Variants in FAM227B observed in about 807,000 individuals in gnomAD.
FAM227B encodes the protein family with sequence similarity 227 member B, also known as protein FAM227B.
A neutral mutation model predicts 73.8 loss-of-function variants in FAM227B; 88 were observed. That is an observed-to-expected ratio of 1.19 (90% CI 1.00 to 1.42). The LOEUF (loss-of-function observed/expected upper bound fraction) is 1.42. Ranked by LOEUF, FAM227B falls within the 40% of genes most tolerant of loss-of-function variation. The pLI is 0.00. For synonymous variants in FAM227B, 210 were observed against 190.5 expected, an observed-to-expected ratio of 1.10 and a Z score of -0.84; for missense variants, 632 against 590.9, an observed-to-expected ratio of 1.07 and a Z score of -0.72.
rs75394815 is a variant in FAM227B at position 49,587,709 on chromosome 15, A to G, written c.405+307T>C. Among the ~76,000 whole-genome samples the G allele has an allele frequency of 4.7e-3, 710 of 152,266 alleles. 8 individuals carry two copies. The highest frequency in any genetic ancestry group is 0.016 in the African/African-American group (672 of 41,566). ...AAAGAATTATTAATTTTCTAAAATA[A>G]GAGGGCTGATATAGGACCTGCACTA... is the stretch of plus-strand genomic sequence containing the variant. On this transcript the variant is annotated intron_variant, in intron 5 of 15. Coordinates refer to ENST00000299338, the MANE Select transcript of FAM227B (RefSeq NM_152647.3).
At chr15:49,590,079 CA>C in intron 3 of FAM227B, 72 bp from the exon 4 acceptor site, 1 of 800,226 alleles carries the variant, frequency 1.2e-6, no homozygotes, top group Non-Finnish European at 2.1e-6. Context: ...AGTTCAAAAC[CA>C]ATGAGCTATA....
chr15:49,527,542 C>T (rs566030803), intron 10 of FAM227B, among the ~76,000 whole-genome samples: 1 of 151,782 alleles, frequency 6.6e-6, no homozygotes, highest in East Asian at 1.9e-4. Context: ...ATAGAAGACA[C>T]CCAAATTGGA....
rs187505664 is a variant in FAM227B, at chr15:49,361,596, C to T, written c.1271+5852G>A. Among the ~76,000 whole-genome samples, 703 of 152,266 alleles carry T rather than the reference C, an allele frequency of 4.6e-3. 7 individuals are homozygous for T. Among genetic ancestry groups the T allele is most frequent in the Non-Finnish European group, 4.9e-3 (336 of 68,022 alleles). On this transcript the variant is annotated intron_variant, in intron 13 of 15. Coordinates refer to ENST00000299338, the MANE Select transcript of FAM227B (RefSeq NM_152647.3). Reference sequence around the variant, plus strand: ...ATGATCTTGTTAGTTTTTATGGCTGCACAGTATTCCCTGGTGTATATGTAC... The same window carrying T: ...ATGATCTTGTTAGTTTTTATGGCTGTACAGTATTCCCTGGTGTATATGTAC...
chr15:49,374,447 G>A (rs1161071340), intron 11 of FAM227B, among the ~76,000 whole-genome samples: 1 of 152,044 alleles, frequency 6.6e-6, no homozygotes, highest in Non-Finnish European at 1.5e-5. Flanking sequence ...AGAAAATATA[G>A]GTATCCATTA....
At chr15:49,588,143 A>T in intron 4 of FAM227B, 60 bp from the exon 5 acceptor site, 1 of 1,039,786 alleles carries the variant, frequency 9.6e-7, no homozygotes. Context: ...CTCTAAAAAT[A>T]AACAAAATTT....
rs201076822 is a variant in FAM227B at position 49,588,058 on chromosome 15, A to C, written c.363T>G (p.Tyr121Ter). The C allele has an allele frequency of 1.4e-6, 2 of 1,427,680 alleles. No homozygotes were observed. The highest frequency in any genetic ancestry group is 2.6e-5 in the East Asian group (1 of 38,642). The allele number at this position is 1,427,680 out of a possible 1,614,324, so 88.4% of individuals were successfully genotyped here. The change falls in exon 5 of 16, where the codon TAT (tyrosine) becomes TAG (stop). Residue 121 changes from tyrosine (Y) to a stop codon, truncating the protein, a stop_gained. Coordinates refer to ENST00000299338, the MANE Select transcript of FAM227B (RefSeq NM_152647.3). LOFTEE classifies it high-confidence loss of function. ...ETSSYRKLER[Y>*]GEFLKKYHKK... ...TATGGTACTTCTTTAGAAATTCCCCATATCGTTCCAATTTTCTATAAGAAC... is the reference window on the plus strand; with the variant it reads ...TATGGTACTTCTTTAGAAATTCCCCCTATCGTTCCAATTTTCTATAAGAAC...
chr15:49,437,101 CTTCTG>C (rs1463827120), intron 11 of FAM227B, among the ~76,000 whole-genome samples: 2 of 151,506 alleles, frequency 1.3e-5, no homozygotes, highest in Admixed American at 6.6e-5. Flanking sequence ...ACTATTTATA[CTTCTG>C]TTCTTTAGGG....
At chr15:49,566,912 G>A (rs2074702196) in intron 9 of FAM227B, among the ~76,000 whole-genome samples, 1 of 152,122 alleles carries the variant, frequency 6.6e-6, no homozygotes, top group Non-Finnish European at 1.5e-5. Flanking sequence ...TTTATCAAAA[G>A]ACACATCCAC....
chr15:49,371,338 G>A lies in FAM227B; in HGVS notation c.1074C>T (p.Ser358=). 6.2e-7 allele frequency: 1 copy of A among 1,601,224 alleles called. No individual in the cohort carries two copies. The highest frequency in any genetic ancestry group is 1.1e-5 in the South Asian group (1 of 89,832). Residue 358 remains serine, a synonymous_variant, in exon 12 of 16, where the codon TCC becomes TCT. Coordinates refer to ENST00000299338, the MANE Select transcript of FAM227B (RefSeq NM_152647.3). ...GTCTTGATAATCTTGATTCTTCCTT[G>A]GATATGGGCAACGTATATGCTCTTG... is the stretch of plus-strand genomic sequence containing the variant. ...NNPRAYTLPI[S]KEESRLSRLA...
intron 2 of FAM227B, among the ~76,000 whole-genome samples, chr15:49,612,746 A>C (rs931337213): frequency 9.8e-5 from 15 of 152,332 alleles, no homozygotes; most frequent in African/African-American, 3.4e-4. Context: ...ATATCAATAT[A>C]TAAAGTGGTC....
intron 13 of FAM227B, chr15:49,365,437 T>C: frequency 1.1e-6 from 1 of 928,522 alleles, no homozygotes; most frequent in Non-Finnish European, 1.8e-6. Context: ...GCAACAGGCC[T>C]GTACAATAAT....
intron 3 of FAM227B, 148 bp from the exon 4 acceptor site, chr15:49,590,155 G>A (rs558430419): frequency 9.6e-5 from 55 of 573,356 alleles, no homozygotes; most frequent in Non-Finnish European, 1.0e-4. Flanking sequence ...AATCACAAAC[G>A]TCAGAAAAGT....
At chr15:49,591,931 T>C (rs950239669) in intron 3 of FAM227B, among the ~76,000 whole-genome samples, 2 of 152,192 alleles carry the variant, frequency 1.3e-5, no homozygotes, top group African/African-American at 2.4e-5. Flanking sequence ...AGCACTTAGG[T>C]TGATTCCATA....
intron 11 of FAM227B, among the ~76,000 whole-genome samples, chr15:49,499,848 T>A (rs1254734614): frequency 1.3e-5 from 2 of 152,062 alleles, no homozygotes; most frequent in Non-Finnish European, 2.9e-5. Flanking sequence ...TTAAGAAAAA[T>A]TACTCAAAAT....
chr15:49,386,886 C>G (rs937226777), intron 11 of FAM227B, among the ~76,000 whole-genome samples: 5 of 151,716 alleles, frequency 3.3e-5, no homozygotes, highest in African/African-American at 9.7e-5. Context: ...TGTGCACAAA[C>G]TAGAAAACCT....
intron 10 of FAM227B, among the ~76,000 whole-genome samples, chr15:49,514,677 G>A (rs577347659): frequency 1.5e-4 from 23 of 151,924 alleles, no homozygotes; most frequent in Middle Eastern, 3.4e-3. Context: ...AATATGATAC[G>A]CCAGTGTTTT....
intron 3 of FAM227B, among the ~76,000 whole-genome samples, chr15:49,594,835 T>C (rs765683758): frequency 2.1e-4 from 32 of 152,200 alleles, no homozygotes; most frequent in Admixed American, 1.8e-3. Flanking sequence ...AGCCTTATAG[T>C]GTAGTTTGAA....
At chr15:49,399,595 C>A (rs12915864) in intron 11 of FAM227B, among the ~76,000 whole-genome samples, 94,174 of 141,592 alleles carry the variant, frequency 0.67, 31,154 homozygotes, top group African/African-American at 0.74. Context: ...ATGCAAAAAT[C>A]CTCAATAAAA....
intron 11 of FAM227B, among the ~76,000 whole-genome samples, chr15:49,462,070 G>C (rs765745444): frequency 6.6e-6 from 1 of 152,080 alleles, no homozygotes; most frequent in Admixed American, 6.6e-5. Flanking sequence ...AGTGAGCTGA[G>C]ATCGTGCCAC....
Sources: gnomAD v4.1 joint callset for allele counts (sites outside exome capture counted in the v4.1 genomes callset) on GRCh38, gnomAD v4.1.1 for gene constraint, MANE v1.5 for transcripts, NCBI Gene and HGNC (gene_info 2026-07-23, HGNC 2026-07-21) for gene names.